ATP6V1B1: variants seen among roughly 807,000 people sequenced by gnomAD.
ATP6V1B1 encodes ATPase H+ transporting V1 subunit B1.
A neutral mutation model predicts 62.1 loss-of-function variants in ATP6V1B1; 41 were observed. The ratio of observed to expected loss-of-function variants is 0.66; its 90% CI spans 0.51 to 0.86. The LOEUF (loss-of-function observed/expected upper bound fraction) is 0.86. Among genes scored for constraint, ATP6V1B1 ranks in the 40% least tolerant of loss-of-function variants. The pLI is 0.00. For synonymous variants in ATP6V1B1, 253 were observed against 273.4 expected, an observed-to-expected ratio of 0.93 and a Z score of 0.74; for missense variants, 651 against 697.5, an observed-to-expected ratio of 0.93 and a Z score of 0.75.
intron 2 of ATP6V1B1, 55 bp from the exon 3 acceptor site, chr2:70,957,991 G>GA: frequency 1.3e-6 from 2 of 1,524,928 alleles, no homozygotes; most frequent in Non-Finnish European, 1.8e-6. Flanking sequence ...CGGAGGAGGA[G>GA]AAGGGACTTT....
In ATP6V1B1 at chr2:70,963,408, C is replaced by A; in HGVS notation, c.1060+96C>A. 1 of 1,588,636 alleles carries A rather than the reference C, an allele frequency of 6.3e-7. No individual in the cohort carries two copies. The highest frequency in any genetic ancestry group is 1.1e-5 in the South Asian group (1 of 90,194). On this transcript the variant is annotated intron_variant, in intron 10 of 13. Transcript: ENST00000234396. This position sits in a 1 kb window ranked among gnomAD's most constrained non-coding sequence, Gnocchi z 4.3. ...GCCCACGTTGCTTTGCACAGATGTG[C>A]AGCAGCGCTTTTCCTCCATCGAGAT...
Position 70,959,901 on chromosome 2 carries a change from G to T in ATP6V1B1, c.446-38G>T. ...TGTCGAGGAGAGCAGGGAAGGGTTT[G>T]AACCCCTGAGCATGGCTCTGTGATC... is the stretch of plus-strand genomic sequence containing the variant. On this transcript the variant is annotated intron_variant, in intron 5 of 13. Coordinates refer to ENST00000234396, the MANE Select transcript of ATP6V1B1 (RefSeq NM_001692.4). This position sits in a 1 kb window ranked among gnomAD's most constrained non-coding sequence, Gnocchi z 4.2. The T allele has an allele frequency of 1.2e-6, 2 of 1,614,008 alleles. No homozygotes were observed. Among genetic ancestry groups the T allele is most frequent in the South Asian group, 1.1e-5 (1 of 91,068 alleles).
intron 2 of ATP6V1B1, among the ~76,000 whole-genome samples, chr2:70,945,960 G>C (rs1680160244): frequency 6.6e-6 from 1 of 151,494 alleles, no homozygotes; most frequent in Non-Finnish European, 1.5e-5. Flanking sequence ...CATCCACTGA[G>C]GTATTTGGTC....
At chr2:70,943,011 G>C (rs1680041326) in intron 1 of ATP6V1B1, among the ~76,000 whole-genome samples, 1 of 152,208 alleles carries the variant, frequency 6.6e-6, no homozygotes. Context: ...CATTTGCCAT[G>C]TGTGGGTCTC....
intron 2 of ATP6V1B1, among the ~76,000 whole-genome samples, chr2:70,946,140 G>C (rs1553417300): frequency 6.6e-6 from 1 of 152,128 alleles, no homozygotes; most frequent in East Asian, 1.9e-4. Flanking sequence ...GGAAAGGTGA[G>C]TACATTAATG....
In ATP6V1B1 at chr2:70,958,045, G is replaced by C. The variant is rs1572919267; in HGVS notation, c.175-1G>C. On this transcript the variant is annotated splice_acceptor_variant, in intron 2 of 13. Coordinates refer to ENST00000234396, the MANE Select transcript of ATP6V1B1 (RefSeq NM_001692.4). LOFTEE classifies it high-confidence loss of function. ...ACGTGGCTGCTCTCCCCTCCTGCCA[G>C]TTTGCCCAGTATGCGGAGATCGTCC... is the stretch of plus-strand genomic sequence containing the variant. 1 of 1,613,816 alleles carries C rather than the reference G, an allele frequency of 6.2e-7. No homozygotes were observed. Among genetic ancestry groups the C allele is most frequent in the Middle Eastern group, 1.6e-4 (1 of 6,062 alleles).
chr2:70,944,187 C>T, intron 2 of ATP6V1B1: 4 of 1,288,752 alleles, frequency 3.1e-6, no homozygotes, highest in Non-Finnish European at 4.0e-6. Flanking sequence ...TCTTGATGGC[C>T]TCCAAAGGCC....
chr2:70,961,775 G>A, intron 8 of ATP6V1B1, 82 bp downstream of exon 8: 2 of 1,356,652 alleles, frequency 1.5e-6, no homozygotes, highest in African/African-American at 1.4e-5. Context: ...AGGGCTCCAG[G>A]GCATCCCAGA....
chr2:70,944,930 G>C (rs1680120263), intron 2 of ATP6V1B1, among the ~76,000 whole-genome samples: 1 of 152,114 alleles, frequency 6.6e-6, no homozygotes, highest in Admixed American at 6.5e-5. Flanking sequence ...GCCTCCCAAA[G>C]TGCTGGGATT....
chr2:70,960,131 T>G, intron 6 of ATP6V1B1, 53 bp downstream of exon 6: 1 of 1,608,728 alleles, frequency 6.2e-7, no homozygotes, highest in Non-Finnish European at 8.5e-7. Flanking sequence ...GAGCAGAGGC[T>G]GGGGCTGCTG....
At chr2:70,941,905 G>A (rs981323086) in intron 1 of ATP6V1B1, 9 of 988,526 alleles carry the variant, frequency 9.1e-6, no homozygotes, top group Admixed American at 1.2e-4. Context: ...TGTAGCCATC[G>A]GAGGCCACTG....
At chr2:70,962,995 C>T (rs782395724) in intron 9 of ATP6V1B1, 95 bp downstream of exon 9, 16 of 1,603,116 alleles carry the variant, frequency 1.0e-5, no homozygotes, top group Admixed American at 3.4e-5. Flanking sequence ...GGAGCTGGTC[C>T]ACCCAAGCCT....
chr2:70,952,572 C>G (rs782188504), intron 2 of ATP6V1B1, among the ~76,000 whole-genome samples: 3 of 151,946 alleles, frequency 2.0e-5, no homozygotes, highest in Non-Finnish European at 4.4e-5. Flanking sequence ...TTGACGAACT[C>G]TCTATTATTA....
At chr2:70,949,544 A>G (rs992536756) in intron 2 of ATP6V1B1, among the ~76,000 whole-genome samples, 1 of 152,222 alleles carries the variant, frequency 6.6e-6, no homozygotes, top group Non-Finnish European at 1.5e-5. Context: ...TCCACCAACC[A>G]GGTATGAGAG....
At chr2:70,936,938 T>A (rs1476195854) in intron 1 of ATP6V1B1, among the ~76,000 whole-genome samples, 1 of 152,116 alleles carries the variant, frequency 6.6e-6, no homozygotes, top group Non-Finnish European at 1.5e-5. Context: ...GTGGCCCAGA[T>A]GTCTGGGGCA....
At position 70,943,401 on chromosome 2, in the gene ATP6V1B1, C is replaced by CAG. The variant is rs782603378; in HGVS notation, c.119-257_119-256insAG. ...ATGAGAGGCCTCTGTGTGGTGGGGG[C>CAG]GGACTCTGAGGAGGCCTCTGCCCTC... On this transcript the variant is annotated intron_variant, in intron 1 of 13. Coordinates refer to ENST00000234396, the MANE Select transcript of ATP6V1B1 (RefSeq NM_001692.4). The CAG allele has an allele frequency of 0.028, 17,523 of 625,966 alleles. 308 individuals are homozygous for CAG. Among genetic ancestry groups the CAG allele is most frequent in the Non-Finnish European group, 0.034 (11,519 of 343,226 alleles). 38.8% of individuals were successfully genotyped at this position (625,966 alleles called of 1,614,324 possible).
chr2:70,958,718 C>T (rs868975378), intron 4 of ATP6V1B1, among the ~76,000 whole-genome samples: 5 of 152,190 alleles, frequency 3.3e-5, no homozygotes, highest in African/African-American at 1.2e-4. Context: ...CTTGAATATC[C>T]CCTAATTCTC....
At chr2:70,961,790 C>G in intron 8 of ATP6V1B1, 97 bp downstream of exon 8, 1 of 1,171,750 alleles carries the variant, frequency 8.5e-7, no homozygotes, top group Non-Finnish European at 1.3e-6. Context: ...CCCAGAACTA[C>G]AGCCATACGC....
Position 70,959,135 on chromosome 2 carries a change from C to T in ATP6V1B1, c.445+40C>T. The T allele has an allele frequency of 6.3e-7, 1 of 1,596,064 alleles. No individual in the cohort carries two copies. Among genetic ancestry groups the T allele is most frequent in the Non-Finnish European group, 8.6e-7 (1 of 1,163,930 alleles). On this transcript the variant is annotated intron_variant, in intron 5 of 13. Coordinates refer to ENST00000234396, the MANE Select transcript of ATP6V1B1 (RefSeq NM_001692.4). The surrounding 1 kb of genome is among the most constrained non-coding windows in gnomAD (Gnocchi z 4.2). ...GTTCTGGATGGCTTCGGGACCCAGCCCTAACACCTTCCCCACTCTTGGAAG... is the reference window on the plus strand; with the variant it reads ...GTTCTGGATGGCTTCGGGACCCAGCTCTAACACCTTCCCCACTCTTGGAAG...
Sources: allele counts gnomAD v4.1 joint callset (sites outside exome capture counted in the v4.1 genomes callset), GRCh38; gene constraint gnomAD v4.1.1; non-coding constraint Gnocchi (gnomAD v3.1); transcripts MANE v1.5; gene names NCBI Gene and HGNC (gene_info 2026-07-23, HGNC 2026-07-21).